LRRK1: variants seen among roughly 807,000 people sequenced by gnomAD.
LRRK1 encodes leucine rich repeat kinase 1.
LRRK1 carries 113 observed loss-of-function variants against 209.1 expected under a neutral mutation model. The observed-to-expected ratio is 0.54, with a 90% confidence interval of 0.46 to 0.63. LRRK1 has a LOEUF of 0.63. LRRK1 is among the 30% of genes least tolerant of loss of function. The pLI, the probability that LRRK1 is intolerant of heterozygous loss-of-function variation, is 0.00. For synonymous variants in LRRK1, 1,144 were observed against 1,099.7 expected (o/e 1.04, Z -0.80); for missense variants, 2,284 against 2,632.2 (o/e 0.87, Z 2.89).
Position 101,024,081 on chromosome 15 carries a change from G to A in LRRK1, c.2068-722G>A, listed in dbSNP as rs951545604. Among the ~76,000 whole-genome samples, 33 of 151,944 alleles carry A rather than the reference G, an allele frequency of 2.2e-4. No homozygotes were observed. ...GATGATTAAAACCCCCTACCCTTTA[G>A]TGGAAGGACAATCCTGTGAAGGCTG... On this transcript the variant is annotated intron_variant, in intron 15 of 33. Coordinates refer to ENST00000388948, the MANE Select transcript of LRRK1 (RefSeq NM_024652.6). This position sits in a 1 kb window ranked among gnomAD's most constrained non-coding sequence, Gnocchi z 4.6.
At chr15:100,961,272 T>A (rs1167458825) in intron 2 of LRRK1, among the ~76,000 whole-genome samples, 1 of 152,170 alleles carries the variant, frequency 6.6e-6, no homozygotes, top group East Asian at 1.9e-4. Flanking sequence ...CCTTATCCAA[T>A]CTTGATTATG....
chr15:101,070,179 G>T lies in LRRK1; in HGVS notation c.*1331G>T, dbSNP rs533355719. 3 of 152,108 alleles carry T rather than the reference G, an allele frequency of 2.0e-5. No homozygotes were observed. The highest frequency in any genetic ancestry group is 7.2e-5 in the African/African-American group (3 of 41,398). The allele number at this position is 152,108 out of a possible 1,614,324, so 9.4% of individuals were successfully genotyped here. A position where few individuals can be genotyped will look rare whatever the true frequency, so the allele number is the denominator to read the frequency against. The stretch of plus-strand genomic sequence containing the variant: ...GGCTCAGTCCCTCCCAGACCCACTC[G>T]CTGTCTGGGGATAATGGGCAGCCCC... On this transcript the variant is annotated 3_prime_UTR_variant, in exon 34 of 34. Coordinates refer to ENST00000388948, the MANE Select transcript of LRRK1 (RefSeq NM_024652.6).
chr15:100,974,065 G>C, intron 3 of LRRK1, 98 bp downstream of exon 3: 1 of 1,065,352 alleles, frequency 9.4e-7, no homozygotes, highest in Middle Eastern at 3.1e-4. Context: ...AACGGTAATG[G>C]GCGTTTTTAC....
At chr15:101,021,793 TG>T in intron 13 of LRRK1, 51 bp from the exon 14 acceptor site, 1 of 1,052,822 alleles carries the variant, frequency 9.5e-7, no homozygotes. Context: ...TGTGTGTGTG[TG>T]TGTGTGTGTG....
rs569922610 is a variant in LRRK1, at chr15:101,038,870, C to A, written c.2964-7111C>A. ...TTCTTCTGTGCAAATCTCTCTCTTC[C>A]CCCATCTTTTAAGCACACTTGTGGC... On this transcript the variant is annotated intron_variant, in intron 20 of 33. Coordinates refer to ENST00000388948, the MANE Select transcript of LRRK1 (RefSeq NM_024652.6). Among the ~76,000 whole-genome samples the A allele has an allele frequency of 2.5e-3, 382 of 152,320 alleles. 3 individuals carry two copies. Among genetic ancestry groups the A allele is most frequent in the South Asian group, 0.013 (61 of 4,826 alleles).
intron 2 of LRRK1, among the ~76,000 whole-genome samples, chr15:100,962,818 T>TACATATATATATATATATAC (rs1596204775): frequency 1.5e-4 from 5 of 33,340 alleles, no homozygotes; most frequent in Admixed American, 3.1e-4. Context: ...TATATATATA[T>TACATATATATATATATATAC]ATATATTTTT....
chr15:101,057,108 G>A (rs1470834129), intron 28 of LRRK1, 58 bp downstream of exon 28: 1 of 1,464,174 alleles, frequency 6.8e-7, no homozygotes, highest in African/African-American at 1.4e-5. Context: ...GGAAGCTGTG[G>A]GTCCCCAGGG....
Position 101,073,941 on chromosome 15 carries a change from A to G in LRRK1, c.*5093A>G, listed in dbSNP as rs2036890648. 6.6e-6 allele frequency: 1 copy of G among 152,154 alleles called. No individual in the cohort carries two copies. Among genetic ancestry groups the G allele is most frequent in the Admixed American group, 6.5e-5 (1 of 15,274 alleles). The allele number at this position is 152,154 out of a possible 1,614,324, so 9.4% of individuals were successfully genotyped here. On this transcript the variant is annotated 3_prime_UTR_variant, in exon 34 of 34. Coordinates refer to ENST00000388948, the MANE Select transcript of LRRK1 (RefSeq NM_024652.6). ...CGCTTGACCCCAATACAAACTCAAC[A>G]GTAGTTCCAAATAGCCGGAAAACAG...
At chr15:100,971,766 C>T (rs935061327) in intron 2 of LRRK1, among the ~76,000 whole-genome samples, 3 of 152,080 alleles carry the variant, frequency 2.0e-5, no homozygotes, top group African/African-American at 4.8e-5. Flanking sequence ...CACTTCTGTT[C>T]GTCCTCCCTG....
intron 2 of LRRK1, among the ~76,000 whole-genome samples, chr15:100,934,370 G>T (rs1157061563): frequency 6.6e-6 from 1 of 152,092 alleles, no homozygotes; most frequent in African/African-American, 2.4e-5. Context: ...TATTAATTCA[G>T]CATGATTATT....
Position 101,077,967 on chromosome 15 carries a change from A to T in LRRK1, c.*9119A>T, listed in dbSNP as rs1052712108. On this transcript the variant is annotated 3_prime_UTR_variant, in exon 34 of 34. Transcript: ENST00000388948. Reference sequence around the variant, plus strand: ...AATATGCCCTGCCCCACCTTAACTGATGACATTCCACCACAAAAGAAGTGT... The same window carrying T: ...AATATGCCCTGCCCCACCTTAACTGTTGACATTCCACCACAAAAGAAGTGT... 1 of 153,244 alleles carries T rather than the reference A, an allele frequency of 6.5e-6. No homozygotes were observed. The highest frequency in any genetic ancestry group is 1.5e-5 in the Non-Finnish European group (1 of 68,844). 9.5% of individuals were successfully genotyped at this position (153,244 alleles called of 1,614,324 possible). A position where few individuals can be genotyped will look rare whatever the true frequency, so the allele number is the denominator to read the frequency against.
At chr15:101,060,729 C>CAA (rs2036118050) in intron 29 of LRRK1, among the ~76,000 whole-genome samples, 1 of 152,166 alleles carries the variant, frequency 6.6e-6, no homozygotes, top group African/African-American at 2.4e-5. Context: ...TCGCAAATGA[C>CAA]AAGCCATTAG....
chr15:101,005,659 G>A (rs995756199), intron 6 of LRRK1, among the ~76,000 whole-genome samples: 1 of 152,204 alleles, frequency 6.6e-6, no homozygotes, highest in African/African-American at 2.4e-5. Context: ...GAGGAGACTG[G>A]AAGATCTTGT....
chr15:101,056,338 T>G (rs1218538012), intron 27 of LRRK1, among the ~76,000 whole-genome samples: 5 of 152,334 alleles, frequency 3.3e-5, no homozygotes, highest in Non-Finnish European at 7.4e-5. Context: ...GTCTTGGTAC[T>G]CAAGAATAAG....
rs369278534 is a variant in LRRK1, at chr15:101,027,253, G to A, written c.2406-8G>A. ...ATGATGAGTAAAGACGGGTCTTTTTGCTCACAGTGAGATTTCCTGCAAGAG... is the reference window on the plus strand; with the variant it reads ...ATGATGAGTAAAGACGGGTCTTTTTACTCACAGTGAGATTTCCTGCAAGAG... On this transcript the variant is annotated splice_region_variant and splice_polypyrimidine_tract_variant and intron_variant, in intron 17 of 33. Transcript: ENST00000388948. This position sits in a 1 kb window ranked among gnomAD's most constrained non-coding sequence, Gnocchi z 5.1. 4 of 1,613,116 alleles carry A rather than the reference G, an allele frequency of 2.5e-6. No homozygotes were observed. The African/African-American group carries it at 5.3e-5, about 22-fold the overall frequency.
intron 2 of LRRK1, among the ~76,000 whole-genome samples, chr15:100,941,348 TTG>T (rs200747812): frequency 0.37 from 16,317 of 44,298 alleles, 2,333 homozygotes; most frequent in South Asian, 0.4. Context: ...GTGTGTGTCT[TTG>T]TGTGTGTGTG....
At chr15:101,000,215 C>T (rs1478542224) in intron 6 of LRRK1, among the ~76,000 whole-genome samples, 2 of 152,196 alleles carry the variant, frequency 1.3e-5, no homozygotes, top group African/African-American at 4.8e-5. Flanking sequence ...ATCATAGAGT[C>T]CTCACAGGCT....
intron 3 of LRRK1, among the ~76,000 whole-genome samples, chr15:100,977,002 G>C (rs2031331054): frequency 6.6e-6 from 1 of 152,182 alleles, no homozygotes; most frequent in Non-Finnish European, 1.5e-5. Flanking sequence ...GTGCACTGAA[G>C]CTCTAGACGT....
intron 2 of LRRK1, among the ~76,000 whole-genome samples, chr15:100,954,072 C>T (rs111503652): frequency 0.072 from 10,879 of 152,054 alleles, 471 homozygotes; most frequent in African/African-American, 0.1. Flanking sequence ...CACACCACCA[C>T]GCCTGGCTAA....
Sources: allele counts gnomAD v4.1 joint callset (sites outside exome capture counted in the v4.1 genomes callset), GRCh38; gene constraint gnomAD v4.1.1; non-coding constraint Gnocchi (gnomAD v3.1); transcripts MANE v1.5; gene names NCBI Gene and HGNC (gene_info 2026-07-23, HGNC 2026-07-21).